DTNB: variants seen among roughly 807,000 people sequenced by gnomAD.
DTNB encodes DTN-B.
Under a neutral mutation model 90.7 loss-of-function variants are expected in DTNB, and 63 were observed. The ratio of observed to expected loss-of-function variants is 0.69; its 90% CI spans 0.57 to 0.86. The LOEUF (loss-of-function observed/expected upper bound fraction) is 0.86, where lower values mean the gene tolerates loss of function less well. Among genes scored for constraint, DTNB ranks in the 40% least tolerant of loss-of-function variants. The probability of loss-of-function intolerance (pLI) is 0.00; values close to 1 mark genes in which losing one functional copy is unlikely to be tolerated. For synonymous variants in DTNB, 277 were observed against 286.7 expected, an observed-to-expected ratio of 0.97 and a Z score of 0.34; for missense variants, 744 against 807.1, an observed-to-expected ratio of 0.92 and a Z score of 0.95.
At chr2:25,520,210 C>T (rs1340555759) in intron 9 of DTNB, among the ~76,000 whole-genome samples, 3 of 152,092 alleles carry the variant, frequency 2.0e-5, no homozygotes, top group Non-Finnish European at 4.4e-5. Context: ...GGTGAAACCC[C>T]GTCTCTACTA....
At chr2:25,603,364 G>A (rs1023668898) in intron 5 of DTNB, among the ~76,000 whole-genome samples, 10 of 152,014 alleles carry the variant, frequency 6.6e-5, no homozygotes, top group African/African-American at 1.7e-4. Flanking sequence ...TCCATATTCC[G>A]ATTATAAATC....
intron 1 of DTNB, among the ~76,000 whole-genome samples, chr2:25,665,693 T>C (rs1384337203): frequency 1.3e-5 from 2 of 151,966 alleles, no homozygotes; most frequent in African/African-American, 2.4e-5. Flanking sequence ...CCAAACTTTA[T>C]TGAAAGAGAA....
chr2:25,526,531 G>A (rs1344421556), intron 9 of DTNB, among the ~76,000 whole-genome samples: 3 of 151,390 alleles, frequency 2.0e-5, no homozygotes, highest in African/African-American at 4.9e-5. Context: ...GAGTAGCCGG[G>A]ATTACAGGCA....
At position 25,419,383 on chromosome 2, in the gene DTNB, C is replaced by G. The variant is rs1206413525; in HGVS notation, c.1575+132G>C. 3.6e-6 allele frequency: 5 copies of G among 1,392,028 alleles called. No individual in the cohort carries two copies. In the African/African-American group the frequency reaches 7.2e-5, roughly 20 times the overall value. The allele number at this position is 1,392,028 out of a possible 1,614,324, so 86.2% of individuals were successfully genotyped here. Reference sequence around the variant, plus strand: ...CCATTTTACAACACCATGGGGAGAACCGCTGGGGGTTTTACACATAAAACC... The same window carrying G: ...CCATTTTACAACACCATGGGGAGAAGCGCTGGGGGTTTTACACATAAAACC... On this transcript the variant is annotated intron_variant, in intron 16 of 20. Coordinates refer to ENST00000406818, the MANE Select transcript of DTNB (RefSeq NM_021907.5).
At chr2:25,433,427 T>A (rs374055168) in intron 13 of DTNB, among the ~76,000 whole-genome samples, 3 of 152,140 alleles carry the variant, frequency 2.0e-5, no homozygotes, top group African/African-American at 7.2e-5. Context: ...CTTCTATCTA[T>A]GCCTGTTACC....
intron 16 of DTNB, among the ~76,000 whole-genome samples, chr2:25,393,830 C>G (rs1269522353): frequency 3.3e-5 from 5 of 152,068 alleles, no homozygotes; most frequent in Admixed American, 6.6e-5. Context: ...CAAAAGCAAT[C>G]TACAAATTCA....
intron 10 of DTNB, among the ~76,000 whole-genome samples, chr2:25,474,282 CT>C (rs1434217000): frequency 6.9e-6 from 1 of 144,482 alleles, no homozygotes; most frequent in Non-Finnish European, 1.6e-5. Flanking sequence ...AATTACTCTG[CT>C]TTTCTGTCTT....
Position 25,377,467 on chromosome 2 carries a change from G to T in DTNB, c.*116C>A, listed in dbSNP as rs920092910. 3 of 152,826 alleles carry T rather than the reference G, an allele frequency of 2.0e-5. No homozygotes were observed. The highest frequency in any genetic ancestry group is 7.2e-5 in the African/African-American group (3 of 41,464). The allele number at this position is 152,826 out of a possible 1,614,324, so 9.5% of individuals were successfully genotyped here. On this transcript the variant is annotated 3_prime_UTR_variant, in exon 21 of 21. Transcript: ENST00000406818. ...CAGCCTGCAAGCCTGGTCCAGGTGT[G>T]CGGTGGAAAGATGGAGAGGAATGTG... is the stretch of plus-strand genomic sequence containing the variant.
intron 8 of DTNB, among the ~76,000 whole-genome samples, chr2:25,544,009 T>C (rs1471512439): frequency 6.6e-6 from 1 of 152,144 alleles, no homozygotes; most frequent in Non-Finnish European, 1.5e-5. Flanking sequence ...AAACAGCCCC[T>C]CAACAGGTAA....
At chr2:25,405,120 AT>A (rs1359035164) in intron 16 of DTNB, among the ~76,000 whole-genome samples, 1 of 151,632 alleles carries the variant, frequency 6.6e-6, no homozygotes, top group Admixed American at 6.6e-5. Context: ...TAGAGATGAA[AT>A]TTTGCCATGT....
At chr2:25,494,865 G>T (rs556643411) in intron 9 of DTNB, among the ~76,000 whole-genome samples, 2 of 151,564 alleles carry the variant, frequency 1.3e-5, no homozygotes, top group African/African-American at 4.9e-5. Context: ...CACAGTTAGC[G>T]CTAGGAGGGG....
intron 12 of DTNB, among the ~76,000 whole-genome samples, chr2:25,436,435 C>T (rs2055801315): frequency 6.6e-6 from 1 of 152,070 alleles, no homozygotes; most frequent in Admixed American, 6.6e-5. Flanking sequence ...ACTGAGGGCT[C>T]CACGATGACC....
intron 10 of DTNB, among the ~76,000 whole-genome samples, chr2:25,469,153 T>C (rs1285951704): frequency 6.6e-6 from 1 of 152,124 alleles, no homozygotes; most frequent in Non-Finnish European, 1.5e-5. Flanking sequence ...TTTGCGGAGA[T>C]CATATATAGA....
intron 9 of DTNB, among the ~76,000 whole-genome samples, chr2:25,506,776 G>C (rs542745417): frequency 6.6e-6 from 1 of 152,112 alleles, no homozygotes; most frequent in East Asian, 1.9e-4. Context: ...GAGAATATGG[G>C]GAAACCTGCA....
intron 9 of DTNB, among the ~76,000 whole-genome samples, chr2:25,527,519 CA>C (rs948516000): frequency 6.6e-5 from 8 of 120,322 alleles, no homozygotes; most frequent in Non-Finnish European, 7.1e-5. Context: ...GACTCTGTCT[CA>C]AAAAAAAAAG....
intron 3 of DTNB, among the ~76,000 whole-genome samples, chr2:25,638,609 A>T (rs1371132062): frequency 1.3e-5 from 2 of 152,238 alleles, no homozygotes; most frequent in African/African-American, 4.8e-5. Flanking sequence ...GCAATTATTT[A>T]TAGAAAAGGT....
intron 8 of DTNB, among the ~76,000 whole-genome samples, chr2:25,547,602 T>C (rs1449871565): frequency 6.6e-6 from 1 of 152,172 alleles, no homozygotes; most frequent in Non-Finnish European, 1.5e-5. Context: ...ACCTGTATCC[T>C]TATGGGAAGA....
In DTNB at chr2:25,517,731, A is replaced by G. The variant is rs138765010; in HGVS notation, c.1001+13742T>C. Among the ~76,000 whole-genome samples the G allele has an allele frequency of 4.9e-3, 751 of 152,366 alleles. 7 individuals are homozygous for G. Among genetic ancestry groups the G allele is most frequent in the African/African-American group, 0.017 (712 of 41,594 alleles). ...CAGGGTTTCCAAGAGATCCATGTTC[A>G]TAACAGCACTATTCACAATAGCCCA... is the stretch of plus-strand genomic sequence containing the variant. On this transcript the variant is annotated intron_variant, in intron 9 of 20. Transcript: ENST00000406818.
At chr2:25,404,446 AC>A (rs2044528245) in intron 16 of DTNB, among the ~76,000 whole-genome samples, 1 of 152,040 alleles carries the variant, frequency 6.6e-6, no homozygotes. Context: ...TGGGGGTGAG[AC>A]GGGGCGGTGA....
Sources: gnomAD v4.1 joint callset for allele counts (sites outside exome capture counted in the v4.1 genomes callset) on GRCh38, gnomAD v4.1.1 for gene constraint, MANE v1.5 for transcripts, NCBI Gene and HGNC (gene_info 2026-07-23, HGNC 2026-07-21) for gene names.